The following PDIA6 variants were observed in gnomAD, a reference collection of about 807,000 sequenced individuals.
PDIA6 encodes the protein protein disulfide isomerase family A member 6.
A neutral mutation model predicts 58.4 loss-of-function variants in PDIA6; 29 were observed. The observed-to-expected ratio is 0.50, with a 90% CI of 0.37 to 0.68. PDIA6 has a LOEUF of 0.68. PDIA6 is among the 30% of genes least tolerant of loss of function. PDIA6 has a pLI of 0.00. For missense variants in PDIA6, 480 were observed against 551.0 expected, an observed-to-expected ratio of 0.87 and a Z score of 1.29; for synonymous variants, 192 against 202.6, an observed-to-expected ratio of 0.95 and a Z score of 0.44.
chr2:10,789,235 T>A (rs1665922790), intron 8 of PDIA6, among the ~76,000 whole-genome samples: 1 of 151,350 alleles, frequency 6.6e-6, no homozygotes, highest in African/African-American at 2.4e-5. Flanking sequence ...GAAATCGCAA[T>A]GCCTGGACAC....
At chr2:10,814,988 A>T (rs1038627551), upstream of PDIA6, among the ~76,000 whole-genome samples, 4 of 152,178 alleles carry the variant, frequency 2.6e-5, no homozygotes, top group Non-Finnish European at 5.9e-5. Context: ...CTCCCTGCTA[A>T]ATATCCCAGG....
intron 2 of PDIA6, among the ~76,000 whole-genome samples, chr2:10,818,471 T>C (rs1342955654): frequency 1.4e-5 from 2 of 146,910 alleles, no homozygotes; most frequent in Non-Finnish European, 3.0e-5. Context: ...CCAGCTCACT[T>C]TAACCATTTA....
upstream of PDIA6, among the ~76,000 whole-genome samples, chr2:10,816,522 C>CTTTTTTTT (rs772701227): frequency 4.6e-4 from 63 of 138,204 alleles, 1 homozygote; most frequent in African/African-American, 1.1e-3. Context: ...CCTTTTTGTG[C>CTTTTTTTT]TTTCTTTTTT....
chr2:10,810,377 A>G (rs989353794), intron 1 of PDIA6: 1 of 1,500,684 alleles, frequency 6.7e-7, no homozygotes, highest in Admixed American at 2.1e-5. Flanking sequence ...AATCAAGGAC[A>G]GCAATAACGT....
At chr2:10,793,759 T>A (rs1666143013) in intron 4 of PDIA6, among the ~76,000 whole-genome samples, 1 of 152,140 alleles carries the variant, frequency 6.6e-6, no homozygotes, top group African/African-American at 2.4e-5. Context: ...TTACCGAACA[T>A]GAACATGGAT....
exon 1 of PDIA6, chr2:10,832,336 G>T: frequency 1.3e-6 from 1 of 781,732 alleles, no homozygotes; most frequent in Non-Finnish European, 1.6e-6. Context: ...CTCACACAGT[G>T]CAATGCAGTG....
intron 1 of PDIA6, chr2:10,821,107 C>T (rs1346394856): frequency 6.8e-6 from 3 of 439,378 alleles, no homozygotes; most frequent in African/African-American, 2.0e-5. Flanking sequence ...CCTCTTCTCA[C>T]TTTTCTGTTG....
chr2:10,822,044 A>G (rs1235880658), intron 1 of PDIA6, among the ~76,000 whole-genome samples: 3 of 151,858 alleles, frequency 2.0e-5, no homozygotes, highest in Non-Finnish European at 4.4e-5. Context: ...GGCTCAAGTG[A>G]TCCTCACACC....
At chr2:10,788,636 C>G (rs2148534695) in intron 10 of PDIA6, 61 bp downstream of exon 10, 2 of 1,137,746 alleles carry the variant, frequency 1.8e-6, no homozygotes, top group Non-Finnish European at 2.7e-6. Flanking sequence ...GGGAACCACT[C>G]TCAAGAAAGC....
intron 11 of PDIA6, among the ~76,000 whole-genome samples, chr2:10,786,312 C>T (rs574013663): frequency 1.8e-3 from 227 of 126,952 alleles, no homozygotes; most frequent in Non-Finnish European, 2.1e-3. Context: ...GACTCTGTCT[C>T]GGGGGTGGGG....
At chr2:10,820,612 G>A (rs1435130029) in intron 1 of PDIA6, among the ~76,000 whole-genome samples, 1 of 152,098 alleles carries the variant, frequency 6.6e-6, no homozygotes, top group African/African-American at 2.4e-5. Context: ...TTCTTCGTTA[G>A]GAAAAAAATA....
In PDIA6 at chr2:10,784,112, G is replaced by A. The variant is rs2148525202; in HGVS notation, c.*146C>T. On this transcript the variant is annotated 3_prime_UTR_variant, in exon 13 of 13. Coordinates refer to ENST00000272227, the MANE Select transcript of PDIA6 (RefSeq NM_005742.4). Reference sequence around the variant, plus strand: ...TGAGATGCAAAAGTTCACTGTTGCAGTGTTTTCAAATGACCAATCAAGTAC... The same window carrying A: ...TGAGATGCAAAAGTTCACTGTTGCAATGTTTTCAAATGACCAATCAAGTAC... 2.0e-6 allele frequency: 1 copy of A among 490,536 alleles called. No homozygotes were observed. Among genetic ancestry groups the A allele is most frequent in the South Asian group, 4.3e-5 (1 of 23,156 alleles). The allele number at this position is 490,536 out of a possible 1,614,324, so 30.4% of individuals were successfully genotyped here.
At chr2:10,830,916 C>G (rs1251997768) in intron 1 of PDIA6, among the ~76,000 whole-genome samples, 1 of 152,184 alleles carries the variant, frequency 6.6e-6, no homozygotes, top group Non-Finnish European at 1.5e-5. Flanking sequence ...GTCAGCTTTT[C>G]AGAACATTCA....
At chr2:10,834,277 C>G (rs1025987189), upstream of PDIA6, among the ~76,000 whole-genome samples, 2 of 152,272 alleles carry the variant, frequency 1.3e-5, no homozygotes, top group Admixed American at 1.3e-4. Context: ...CAAAGGCGAG[C>G]CTCTTTCTAT....
At chr2:10,830,332 A>G (rs1463650345) in intron 1 of PDIA6, among the ~76,000 whole-genome samples, 1 of 152,202 alleles carries the variant, frequency 6.6e-6, no homozygotes, top group Non-Finnish European at 1.5e-5. Flanking sequence ...TCAGTTCTCC[A>G]TTTGTTTTGG....
At chr2:10,818,158 C>G (rs1667258228) in intron 2 of PDIA6, among the ~76,000 whole-genome samples, 1 of 151,592 alleles carries the variant, frequency 6.6e-6, no homozygotes, top group Non-Finnish European at 1.5e-5. Context: ...TAAAATTTAC[C>G]ACTTTAACTT....
At chr2:10,815,566 A>T (rs1374832718), upstream of PDIA6, 10 of 151,112 alleles carry the variant, frequency 6.6e-5, no homozygotes, top group African/African-American at 2.4e-4. Flanking sequence ...TTTTTTTTTG[A>T]GACAGTCTTG....
In PDIA6 at chr2:10,791,927, T is replaced by G; in HGVS notation, c.454-2A>C. 6.2e-7 allele frequency: 1 copy of G among 1,611,522 alleles called. No homozygotes were observed. The highest frequency in any genetic ancestry group is 8.5e-7 in the Non-Finnish European group (1 of 1,179,328). On this transcript the variant is annotated splice_acceptor_variant, in intron 5 of 12. Transcript: ENST00000272227. LOFTEE classifies it high-confidence loss of function. The stretch of plus-strand genomic sequence containing the variant: ...CTTACTTGAACTATCACTTCTGCCC[T>G]GTCATTTATGACATTAAACATCAAA...
chr2:10,787,670 T>G (rs905375143), intron 10 of PDIA6, among the ~76,000 whole-genome samples: 4 of 152,184 alleles, frequency 2.6e-5, no homozygotes, highest in Non-Finnish European at 4.4e-5. Flanking sequence ...AAACATTTGC[T>G]GGACTAATGG....
Sources: gnomAD v4.1 joint callset for allele counts (sites outside exome capture counted in the v4.1 genomes callset) on GRCh38, gnomAD v4.1.1 for gene constraint, MANE v1.5 for transcripts, NCBI Gene and HGNC (gene_info 2026-07-23, HGNC 2026-07-21) for gene names.